Variants in GNAQ observed in about 807,000 individuals in gnomAD.
GNAQ encodes the protein G protein subunit alpha q, also known as guanine nucleotide-binding protein G(q) subunit alpha.
Under a neutral mutation model 43.9 loss-of-function variants are expected in GNAQ, and 8 were observed. That is an observed-to-expected ratio of 0.18 (90% CI 0.11 to 0.33). The LOEUF (loss-of-function observed/expected upper bound fraction) is 0.33. Among genes scored for constraint, GNAQ ranks in the 10% least tolerant of loss-of-function variants. The pLI, the probability that GNAQ is intolerant of heterozygous loss-of-function variation, is 1.00. For missense variants in GNAQ, 158 were observed against 450.8 expected (o/e 0.35, Z 5.88); for synonymous variants, 155 against 170.7 (o/e 0.91, Z 0.71).
At chr9:77,860,650 G>GT (rs1292880924) in intron 2 of GNAQ, among the ~76,000 whole-genome samples, 1 of 152,232 alleles carries the variant, frequency 6.6e-6, no homozygotes, top group African/African-American at 2.4e-5. Flanking sequence ...AGCTCAGGCA[G>GT]TAATACTCAG....
chr9:77,904,837 C>T (rs957265010), intron 2 of GNAQ, among the ~76,000 whole-genome samples: 10 of 152,026 alleles, frequency 6.6e-5, no homozygotes, highest in African/African-American at 2.4e-4. Context: ...ACAATGCTTA[C>T]AACAGCTAGA....
intron 5 of GNAQ, among the ~76,000 whole-genome samples, chr9:77,772,280 T>TA (rs1304805034): frequency 1.3e-5 from 2 of 152,226 alleles, no homozygotes; most frequent in Non-Finnish European, 2.9e-5. Context: ...TTCACTTTTT[T>TA]AAAGATGCTG....
At chr9:77,759,577 C>T (rs1243927110) in intron 5 of GNAQ, among the ~76,000 whole-genome samples, 1 of 152,174 alleles carries the variant, frequency 6.6e-6, no homozygotes, top group Non-Finnish European at 1.5e-5. Flanking sequence ...TACTGTGGAC[C>T]ATGTGGCAGG....
chr9:77,920,448 C>T (rs11145616), intron 2 of GNAQ, among the ~76,000 whole-genome samples: 30,684 of 152,032 alleles, frequency 0.2, 3,336 homozygotes, highest in South Asian at 0.38. Context: ...CAGAATTCAT[C>T]AGATCATCAT....
intron 1 of GNAQ, among the ~76,000 whole-genome samples, chr9:78,006,287 T>G (rs530175032): frequency 6.6e-6 from 1 of 152,324 alleles, no homozygotes; most frequent in East Asian, 1.9e-4. Flanking sequence ...TAATTACCTA[T>G]TTCTATCTGG....
intron 1 of GNAQ, among the ~76,000 whole-genome samples, chr9:77,977,771 T>TG (rs1823322822): frequency 6.6e-6 from 1 of 152,192 alleles, no homozygotes; most frequent in South Asian, 2.1e-4. Context: ...CTTTCCTTTA[T>TG]GTTTCTTCTA....
chr9:77,770,790 G>A (rs1177401758), intron 5 of GNAQ, among the ~76,000 whole-genome samples: 1 of 152,058 alleles, frequency 6.6e-6, no homozygotes, highest in Admixed American at 6.5e-5. Context: ...AAAACAAAAA[G>A]ATTGTATATG....
rs1405745857 is a variant in GNAQ at position 77,957,874 on chromosome 9, C to T, written c.137-35529G>A. Among the ~76,000 whole-genome samples, 8 of 152,104 alleles carry T rather than the reference C, an allele frequency of 5.3e-5. No homozygotes were observed. The East Asian group carries it at 1.2e-3, about 22-fold the overall frequency. Reference sequence around the variant, plus strand: ...CGCTACTAATCATTTCTGCTGGCCACGTGGCTTATGTGGTATGTCTATCTC... The same window carrying T: ...CGCTACTAATCATTTCTGCTGGCCATGTGGCTTATGTGGTATGTCTATCTC... On this transcript the variant is annotated intron_variant, in intron 1 of 6. Coordinates refer to ENST00000286548, the MANE Select transcript of GNAQ (RefSeq NM_002072.5).
intron 2 of GNAQ, among the ~76,000 whole-genome samples, chr9:77,866,778 C>T (rs1403996215): frequency 6.6e-6 from 1 of 151,946 alleles, no homozygotes; most frequent in Non-Finnish European, 1.5e-5. Context: ...AAAATTTGGC[C>T]AATATTTTGT....
chr9:77,806,658 A>G (rs1478679494), intron 3 of GNAQ, among the ~76,000 whole-genome samples: 1 of 152,184 alleles, frequency 6.6e-6, no homozygotes, highest in East Asian at 1.9e-4. Context: ...TGGGATTTGA[A>G]CAGGCAGAAT....
At chr9:77,848,704 G>A (rs1464674641) in intron 2 of GNAQ, among the ~76,000 whole-genome samples, 1 of 152,200 alleles carries the variant, frequency 6.6e-6, no homozygotes, top group African/African-American at 2.4e-5. Context: ...TGAGGGCTGT[G>A]GTATTGGCCT....
intron 5 of GNAQ, among the ~76,000 whole-genome samples, chr9:77,787,407 A>C (rs1474543173): frequency 6.6e-6 from 1 of 152,190 alleles, no homozygotes; most frequent in Non-Finnish European, 1.5e-5. Context: ...CCACTGCTGT[A>C]TATTTTTTGT....
chr9:77,770,555 C>T (rs1258362256), intron 5 of GNAQ, among the ~76,000 whole-genome samples: 2 of 152,194 alleles, frequency 1.3e-5, no homozygotes, highest in African/African-American at 4.8e-5. Context: ...TCTTTCCCTT[C>T]GGAAGCAGCT....
chr9:77,931,856 C>A (rs1265356360), intron 1 of GNAQ, among the ~76,000 whole-genome samples: 1 of 152,052 alleles, frequency 6.6e-6, no homozygotes, highest in African/African-American at 2.4e-5. Context: ...TAAAGCAGTA[C>A]CTGGTAGGAA....
At chr9:77,924,358 A>C (rs1325788413) in intron 1 of GNAQ, among the ~76,000 whole-genome samples, 2 of 152,220 alleles carry the variant, frequency 1.3e-5, no homozygotes, top group African/African-American at 4.8e-5. Flanking sequence ...AAAGTATACA[A>C]GACAAAAAAA....
chr9:77,856,648 G>A (rs753489730), intron 2 of GNAQ, among the ~76,000 whole-genome samples: 9 of 152,108 alleles, frequency 5.9e-5, no homozygotes, highest in Non-Finnish European at 1.0e-4. Context: ...AAAAGACTGA[G>A]AAAGACTACC....
chr9:77,899,552 CA>C (rs67934886), intron 2 of GNAQ, among the ~76,000 whole-genome samples: 19 of 137,324 alleles, frequency 1.4e-4, no homozygotes, highest in South Asian at 4.5e-4. Context: ...ATCACATTAA[CA>C]AAAAAAAAAA....
chr9:78,019,923 C>CAAAAAAAAA (rs34222702), intron 1 of GNAQ, among the ~76,000 whole-genome samples: 4 of 94,142 alleles, frequency 4.2e-5, no homozygotes, highest in Admixed American at 1.2e-4. Flanking sequence ...GACTCCATCT[C>CAAAAAAAAA]AAAAAAAAAA....
intron 5 of GNAQ, among the ~76,000 whole-genome samples, chr9:77,776,281 T>C (rs927464880): frequency 1.3e-5 from 2 of 152,084 alleles, no homozygotes; most frequent in African/African-American, 2.4e-5. Context: ...CGTTAGTCAA[T>C]AGACAGAGAT....
Sources: gnomAD v4.1 joint callset for allele counts (sites outside exome capture counted in the v4.1 genomes callset) on GRCh38, gnomAD v4.1.1 for gene constraint, MANE v1.5 for transcripts, NCBI Gene and HGNC (gene_info 2026-07-23, HGNC 2026-07-21) for gene names.